The following RTL4 variants were observed in gnomAD, a reference collection of about 807,000 sequenced individuals.
RTL4 encodes the protein retrotransposon Gag-like protein 4.
Under a neutral mutation model 5.3 loss-of-function variants are expected in RTL4, and 4 were observed. That is an observed-to-expected ratio of 0.75 (90% confidence interval 0.37 to 1.72). The LOEUF is 1.72. Ranked by LOEUF, RTL4 falls within the 40% of genes most tolerant of loss-of-function variation. The probability of loss-of-function intolerance (pLI) is 0.04; values close to 1 mark genes in which losing one functional copy is unlikely to be tolerated. For synonymous variants in RTL4, 98 were observed against 87.3 expected (o/e 1.12, Z -0.68); for missense variants, 260 against 227.1 (o/e 1.14, Z -0.93).
chrX:112,233,194 G>A, the RTL4 span, among the ~76,000 whole-genome samples: 11 of 111,776 alleles, frequency 9.8e-5, no homozygotes, highest in East Asian at 5.6e-4. Flanking sequence ...TAAACTTGTC[G>A]AAAGGTCACA....
chrX:112,171,553 A>G, the RTL4 span, among the ~76,000 whole-genome samples: 35 of 111,566 alleles, frequency 3.1e-4, no homozygotes, highest in South Asian at 1.9e-3. Flanking sequence ...AGAGCTGTTT[A>G]TAGTATTCTC....
At chrX:112,125,377 C>A in the RTL4 span, among the ~76,000 whole-genome samples, 7 of 111,702 alleles carry the variant, frequency 6.3e-5, no homozygotes, top group African/African-American at 2.3e-4. Flanking sequence ...CAATTAAAAC[C>A]TTACCTCACA....
chrX:112,177,425 T>A, the RTL4 span, among the ~76,000 whole-genome samples: 3 of 111,642 alleles, frequency 2.7e-5, no homozygotes, highest in African/African-American at 9.8e-5. Context: ...TCCTGATGAT[T>A]TGTGACATTG....
the RTL4 span, among the ~76,000 whole-genome samples, chrX:112,126,401 T>G: frequency 1.8e-5 from 2 of 112,042 alleles, no homozygotes; most frequent in African/African-American, 6.5e-5. Flanking sequence ...CACAACATAC[T>G]GAATTTATGG....
chrX:112,431,861 C>T, the RTL4 span, among the ~76,000 whole-genome samples: 30 of 96,397 alleles, frequency 3.1e-4, no homozygotes, highest in African/African-American at 1.0e-3. Flanking sequence ...GGTATATCTC[C>T]TAATGCTATC....
At chrX:112,379,721 AGTT>A in the RTL4 span, among the ~76,000 whole-genome samples, 140 of 111,984 alleles carry the variant, frequency 1.3e-3, 1 homozygote, top group Admixed American at 0.011. Flanking sequence ...GCTTCTCAGT[AGTT>A]GTTGATATTT....
chrX:112,453,830 A>G (rs2147894263), upstream of RTL4, among the ~76,000 whole-genome samples: 1 of 111,876 alleles, frequency 8.9e-6, no homozygotes, highest in East Asian at 2.8e-4. Flanking sequence ...TGCCAATGCC[A>G]TTTGTTCACA....
At chrX:112,230,097 C>G in the RTL4 span, among the ~76,000 whole-genome samples, 1 of 112,362 alleles carries the variant, frequency 8.9e-6, no homozygotes, top group African/African-American at 3.2e-5. Flanking sequence ...TTATTGCTGT[C>G]TTTTGTTTGT....
At chrX:112,371,443 T>C in the RTL4 span, among the ~76,000 whole-genome samples, 1 of 111,331 alleles carries the variant, frequency 9.0e-6, no homozygotes, top group Non-Finnish European at 1.9e-5. Context: ...GTAAGAAACA[T>C]CTTTTCTAAG....
chrX:112,112,192 C>T, the RTL4 span, among the ~76,000 whole-genome samples: 16 of 112,129 alleles, frequency 1.4e-4, no homozygotes, highest in East Asian at 5.6e-4. Context: ...GGTTGTCCCA[C>T]GAGTCTAAGA....
At chrX:112,440,972 G>C in the RTL4 span, among the ~76,000 whole-genome samples, 1 of 97,706 alleles carries the variant, frequency 1.0e-5, no homozygotes, top group Non-Finnish European at 2.0e-5. Flanking sequence ...AAAGCATTAG[G>C]AATTGGAGGT....
the RTL4 span, among the ~76,000 whole-genome samples, chrX:112,428,400 G>C: frequency 1.8e-5 from 2 of 111,770 alleles, no homozygotes; most frequent in Non-Finnish European, 3.8e-5. Flanking sequence ...CTCTGAAGAT[G>C]TCCTCTTTGA....
the RTL4 span, among the ~76,000 whole-genome samples, chrX:112,233,721 T>C: frequency 1.3e-4 from 15 of 111,357 alleles, no homozygotes; most frequent in African/African-American, 4.6e-4. Context: ...CTAGTGTTTG[T>C]TATGCTTTGT....
chrX:112,103,491 T>C, the RTL4 span, among the ~76,000 whole-genome samples: 1 of 110,440 alleles, frequency 9.1e-6, no homozygotes, highest in South Asian at 3.9e-4. Context: ...TACGTAGGTG[T>C]TGGGTTGATT....
chrX:112,109,413 G>A, the RTL4 span, among the ~76,000 whole-genome samples: 17 of 111,608 alleles, frequency 1.5e-4, no homozygotes, highest in Non-Finnish European at 2.3e-4. Flanking sequence ...AAGGGGACCC[G>A]AGCAGGTTGC....
the RTL4 span, among the ~76,000 whole-genome samples, chrX:112,309,438 AG>A: frequency 4.4e-3 from 493 of 111,054 alleles, 2 homozygotes; most frequent in Non-Finnish European, 6.6e-3. Context: ...TGAATTTGGA[AG>A]GGGGTACAAT....
At chrX:112,428,046 C>T in the RTL4 span, among the ~76,000 whole-genome samples, 1 of 111,126 alleles carries the variant, frequency 9.0e-6, no homozygotes, top group Non-Finnish European at 1.9e-5. Context: ...TCCTGAGTTA[C>T]TTTACTGAGA....
the RTL4 span, among the ~76,000 whole-genome samples, chrX:112,258,560 T>C: frequency 1.8e-5 from 2 of 111,750 alleles, no homozygotes; most frequent in Admixed American, 9.6e-5. Context: ...GTCCATGTTG[T>C]TCACTCCTTT....
At chrX:112,328,669 C>T in the RTL4 span, among the ~76,000 whole-genome samples, 1 of 111,937 alleles carries the variant, frequency 8.9e-6, no homozygotes, top group African/African-American at 3.3e-5. Flanking sequence ...TAATAGACAT[C>T]TAGAGAAATC....
Sources: allele counts gnomAD v4.1 joint callset (sites outside exome capture counted in the v4.1 genomes callset), GRCh38; gene constraint gnomAD v4.1.1; transcripts MANE v1.5; gene names NCBI Gene and HGNC (gene_info 2026-07-23, HGNC 2026-07-21).